GPHN: variants seen among roughly 807,000 people sequenced by gnomAD.
The protein encoded by GPHN is gephyrin.
Under a neutral mutation model 95.5 loss-of-function variants are expected in GPHN, and 17 were observed. The ratio of observed to expected loss-of-function variants is 0.18; its 90% CI spans 0.12 to 0.27. The LOEUF (loss-of-function observed/expected upper bound fraction) is 0.27, where lower values mean the gene tolerates loss of function less well. GPHN is among the 10% of genes least tolerant of loss of function. The pLI is 1.00. For synonymous variants in GPHN, 320 were observed against 322.5 expected (o/e 0.99, Z 0.08); for missense variants, 660 against 978.1 (o/e 0.67, Z 4.34).
intron 1 of GPHN, among the ~76,000 whole-genome samples, chr14:66,594,031 A>G (rs1048184794): frequency 1.3e-5 from 2 of 152,186 alleles, no homozygotes; most frequent in African/African-American, 2.4e-5. Context: ...AGTAACATCA[A>G]ATTGCCTCAA....
the GPHN span, among the ~76,000 whole-genome samples, chr14:67,220,732 T>G: frequency 6.6e-6 from 1 of 152,188 alleles, no homozygotes; most frequent in Non-Finnish European, 1.5e-5. Context: ...TCAAGGTACA[T>G]TTACCTGATG....
the GPHN span, chr14:67,726,045 C>A: frequency 1.6e-5 from 25 of 1,604,298 alleles, no homozygotes; most frequent in Non-Finnish European, 1.9e-5. Context: ...TGGTTGTGCC[C>A]TATAGAGGAA....
At chr14:67,478,126 C>T in the GPHN span, among the ~76,000 whole-genome samples, 4 of 152,270 alleles carry the variant, frequency 2.6e-5, no homozygotes, top group African/African-American at 9.6e-5. Context: ...CTGTGGTTGG[C>T]AGACGGCTGG....
intron 2 of GPHN, among the ~76,000 whole-genome samples, chr14:66,709,134 C>T (rs920636187): frequency 6.6e-6 from 1 of 152,026 alleles, no homozygotes; most frequent in African/African-American, 2.4e-5. Flanking sequence ...AATATAATGC[C>T]TCTTTCTGAT....
chr14:67,552,558 G>A, the GPHN span, among the ~76,000 whole-genome samples: 1 of 152,146 alleles, frequency 6.6e-6, no homozygotes, highest in Non-Finnish European at 1.5e-5. Flanking sequence ...ACGAGGTCAG[G>A]AGATCGAGAC....
chr14:67,460,546 G>A, the GPHN span, among the ~76,000 whole-genome samples: 1 of 152,048 alleles, frequency 6.6e-6, no homozygotes, highest in Non-Finnish European at 1.5e-5. Context: ...TCTACTAAAA[G>A]TACAAAAATT....
intron 1 of GPHN, among the ~76,000 whole-genome samples, chr14:66,584,250 T>G (rs2061329470): frequency 6.6e-6 from 1 of 152,198 alleles, no homozygotes; most frequent in Non-Finnish European, 1.5e-5. Flanking sequence ...ATCCTGAGAC[T>G]TTGCTGAAGT....
At chr14:66,630,645 G>A (rs942114750) in intron 1 of GPHN, among the ~76,000 whole-genome samples, 1 of 151,928 alleles carries the variant, frequency 6.6e-6, no homozygotes, top group African/African-American at 2.4e-5. Context: ...CTAATTTTTT[G>A]TATTTTTTAG....
intron 2 of GPHN, among the ~76,000 whole-genome samples, chr14:66,686,686 T>C (rs2067382959): frequency 6.6e-6 from 1 of 152,234 alleles, no homozygotes; most frequent in African/African-American, 2.4e-5. Context: ...CACAATCATG[T>C]CATGTGCAAA....
the GPHN span, among the ~76,000 whole-genome samples, chr14:67,469,706 A>C: frequency 0.029 from 4,448 of 152,214 alleles, 76 homozygotes; most frequent in Middle Eastern, 0.044. Flanking sequence ...GCAGAGGTAC[A>C]TAAAGGGGGA....
At chr14:67,161,601 AAAT>A (rs892514141) in intron 19 of GPHN, among the ~76,000 whole-genome samples, 55 of 152,254 alleles carry the variant, frequency 3.6e-4, no homozygotes, top group African/African-American at 1.3e-3. Flanking sequence ...TCTCTACAAA[AAAT>A]ACAAAAATTA....
At chr14:67,266,309 C>G in the GPHN span, among the ~76,000 whole-genome samples, 108 of 151,772 alleles carry the variant, frequency 7.1e-4, no homozygotes, top group African/African-American at 2.5e-3. Context: ...CAGAGCTAAT[C>G]CACTGCATGA....
chr14:66,916,133 C>T (rs1261014056), intron 6 of GPHN, 64 bp downstream of exon 6: 33 of 1,119,240 alleles, frequency 2.9e-5, no homozygotes, highest in Non-Finnish European at 4.5e-5. Flanking sequence ...GAAAGTTAGC[C>T]AGCCAAAAAG....
At chr14:67,275,806 T>C in the GPHN span, among the ~76,000 whole-genome samples, 915 of 152,298 alleles carry the variant, frequency 6.0e-3, 12 homozygotes, top group African/African-American at 0.021. Flanking sequence ...AGAGCTATTA[T>C]TGGTGTATTC....
At chr14:67,476,324 C>T in the GPHN span, among the ~76,000 whole-genome samples, 1 of 152,226 alleles carries the variant, frequency 6.6e-6, no homozygotes, top group East Asian at 1.9e-4. Context: ...CAGTGGCTCA[C>T]ACCTGTAATC....
chr14:66,630,919 T>C (rs531449628), intron 1 of GPHN, among the ~76,000 whole-genome samples: 2,929 of 152,350 alleles, frequency 0.019, 45 homozygotes, highest in Middle Eastern at 0.034. Flanking sequence ...GTGTTTTTTT[T>C]TTCTTACATT....
intron 8 of GPHN, among the ~76,000 whole-genome samples, chr14:66,931,541 A>G (rs992794047): frequency 6.6e-6 from 1 of 151,530 alleles, no homozygotes; most frequent in African/African-American, 2.4e-5. Context: ...GGTGTGCTTC[A>G]TTATTTTTTA....
chr14:67,034,105 C>CTA (rs1321132627), intron 10 of GPHN, among the ~76,000 whole-genome samples: 1 of 152,006 alleles, frequency 6.6e-6, no homozygotes, highest in Non-Finnish European at 1.5e-5. Context: ...GGACTCTAGA[C>CTA]AACAACATGA....
the GPHN span, among the ~76,000 whole-genome samples, chr14:67,236,906 G>A: frequency 6.6e-6 from 1 of 151,944 alleles, no homozygotes; most frequent in Non-Finnish European, 1.5e-5. Context: ...TGGCCAACAT[G>A]GTGAAACCCT....
Sources: allele counts gnomAD v4.1 joint callset (sites outside exome capture counted in the v4.1 genomes callset), GRCh38; gene constraint gnomAD v4.1.1; transcripts MANE v1.5; gene names NCBI Gene and HGNC (gene_info 2026-07-23, HGNC 2026-07-21).